Variants in FOCAD observed in about 807,000 individuals in gnomAD.
FOCAD encodes the protein focadhesin.
FOCAD carries 198 observed loss-of-function variants against 225.6 expected under a neutral mutation model. That is an observed-to-expected ratio of 0.88 (90% CI 0.78 to 0.99). FOCAD has a LOEUF of 0.99. Ranked by LOEUF, FOCAD falls within the 50% of genes least tolerant of loss-of-function variation. The pLI is 0.00. For synonymous variants in FOCAD, 897 were observed against 755.0 expected, an observed-to-expected ratio of 1.19 and a Z score of -3.08; for missense variants, 2,713 against 2,123.6, an observed-to-expected ratio of 1.28 and a Z score of -5.46.
At chr9:20,907,390 C>T in intron 22 of FOCAD, 148 bp downstream of exon 22, 1 of 703,242 alleles carries the variant, frequency 1.4e-6, no homozygotes, top group Non-Finnish European at 2.5e-6. Context: ...GAATGTGAGG[C>T]ATATATATAT....
intron 11 of FOCAD, among the ~76,000 whole-genome samples, chr9:20,807,183 C>T (rs1441097033): frequency 1.3e-5 from 2 of 152,146 alleles, no homozygotes; most frequent in East Asian, 1.9e-4. Context: ...TTTTTAAGTT[C>T]ATTTCACAAT....
intron 12 of FOCAD, 148 bp downstream of exon 12, chr9:20,820,048 A>T (rs1181540741): frequency 1.9e-6 from 1 of 520,888 alleles, no homozygotes. Flanking sequence ...CTAAAGACAA[A>T]AGTATTTATT....
At chr9:20,821,996 T>TA (rs58640962) in intron 14 of FOCAD, among the ~76,000 whole-genome samples, 1,106 of 49,328 alleles carry the variant, frequency 0.022, 66 homozygotes, top group African/African-American at 0.064. Context: ...TAAAAGTTAC[T>TA]AAAAAAAAAA....
chr9:20,933,028 A>C lies in FOCAD; in HGVS notation c.3332A>C (p.Gln1111Pro), dbSNP rs1463208912. 1 of 1,613,690 alleles carries C rather than the reference A, an allele frequency of 6.2e-7. No homozygotes were observed. The highest frequency in any genetic ancestry group is 2.2e-5 in the East Asian group (1 of 44,844). ...TCTTTAACCAGTGATATATCTGGCC[A>C]AGAGATGAACCTTCTTCTGATGAAG... ...CEEKLSDISGQEMNLLLMKSL... is the reference protein window; with the variant it reads ...CEEKLSDISGPEMNLLLMKSL... Residue 1111 changes from glutamine to proline, a missense_variant, in exon 28 of 44, where the codon CAA becomes CCA. By Grantham distance (76) the Gln-to-Pro change is moderately conservative (BLOSUM62 -1). Transcript: ENST00000338382.
intron 5 of FOCAD, among the ~76,000 whole-genome samples, chr9:20,752,325 T>A (rs1828634523): frequency 6.6e-6 from 1 of 151,112 alleles, no homozygotes; most frequent in Non-Finnish European, 1.5e-5. Context: ...CATCTTGAAT[T>A]GATTTTTGTA....
intron 21 of FOCAD, among the ~76,000 whole-genome samples, chr9:20,900,155 C>T (rs1201063703): frequency 6.6e-6 from 1 of 151,948 alleles, no homozygotes; most frequent in Non-Finnish European, 1.5e-5. Flanking sequence ...GCATTTCTAA[C>T]TCTGACATGA....
At chr9:20,853,556 T>C (rs1827879637) in intron 15 of FOCAD, among the ~76,000 whole-genome samples, 1 of 151,808 alleles carries the variant, frequency 6.6e-6, no homozygotes, top group Non-Finnish European at 1.5e-5. Context: ...GTAGCTTTAC[T>C]ACAAGTCCAA....
chr9:20,676,719 A>C (rs758868549), intron 2 of FOCAD, among the ~76,000 whole-genome samples: 9 of 152,218 alleles, frequency 5.9e-5, no homozygotes, highest in Non-Finnish European at 1.2e-4. Flanking sequence ...GGAAATTTTC[A>C]AACATCAAAA....
intron 10 of FOCAD, among the ~76,000 whole-genome samples, chr9:20,784,661 T>C (rs1324877251): frequency 6.6e-6 from 1 of 152,220 alleles, no homozygotes; most frequent in African/African-American, 2.4e-5. Flanking sequence ...TTATTCATTC[T>C]TATGTGTTTT....
chr9:20,749,865 C>T (rs1828386784), intron 5 of FOCAD, among the ~76,000 whole-genome samples: 1 of 152,106 alleles, frequency 6.6e-6, no homozygotes, highest in Admixed American at 6.6e-5. Context: ...TTAACCCCCT[C>T]ATTTCTATTA....
intron 11 of FOCAD, among the ~76,000 whole-genome samples, chr9:20,804,643 A>G (rs973893531): frequency 3.3e-5 from 5 of 152,174 alleles, no homozygotes; most frequent in Non-Finnish European, 1.5e-5. Flanking sequence ...GAAACCAACC[A>G]TGCTTCAGGG....
At chr9:20,816,236 T>C (rs952504556) in intron 11 of FOCAD, among the ~76,000 whole-genome samples, 9 of 152,170 alleles carry the variant, frequency 5.9e-5, no homozygotes, top group Non-Finnish European at 1.0e-4. Context: ...TACACTAGTT[T>C]ATAAAATGTC....
At chr9:20,768,393 A>G (rs1023944466) in intron 7 of FOCAD, among the ~76,000 whole-genome samples, 1 of 152,052 alleles carries the variant, frequency 6.6e-6, no homozygotes, top group Non-Finnish European at 1.5e-5. Context: ...TGGGGATGGC[A>G]TTGAATGTGT....
At chr9:20,950,517 G>A (rs1837591346) in intron 33 of FOCAD, among the ~76,000 whole-genome samples, 1 of 152,106 alleles carries the variant, frequency 6.6e-6, no homozygotes, top group Non-Finnish European at 1.5e-5. Flanking sequence ...TTACCATAAT[G>A]TGGGAGAAAA....
chr9:20,830,469 A>C (rs1825372521), intron 15 of FOCAD, among the ~76,000 whole-genome samples: 1 of 152,110 alleles, frequency 6.6e-6, no homozygotes, highest in South Asian at 2.1e-4. Context: ...AGTCTCTCAC[A>C]AAGCTGTTTT....
At chr9:20,762,333 A>C (rs558695689) in intron 6 of FOCAD, among the ~76,000 whole-genome samples, 1 of 152,184 alleles carries the variant, frequency 6.6e-6, no homozygotes, top group Non-Finnish European at 1.5e-5. Context: ...ATGTTTCAGT[A>C]ATAATTTTGA....
intron 11 of FOCAD, among the ~76,000 whole-genome samples, chr9:20,818,174 A>T (rs949172145): frequency 1.3e-5 from 2 of 152,122 alleles, no homozygotes; most frequent in African/African-American, 4.8e-5. Flanking sequence ...TTTGTTTATC[A>T]TCTTTGGAGA....
intron 1 of FOCAD, among the ~76,000 whole-genome samples, chr9:20,713,072 T>C (rs1010167681): frequency 6.6e-6 from 1 of 152,132 alleles, no homozygotes; most frequent in Non-Finnish European, 1.5e-5. Context: ...AGCAGCCACA[T>C]TGGCTTTCCC....
intron 15 of FOCAD, among the ~76,000 whole-genome samples, chr9:20,843,681 TA>T (rs778561971): frequency 6.6e-6 from 1 of 152,146 alleles, no homozygotes; most frequent in Non-Finnish European, 1.5e-5. Flanking sequence ...ATTATCTCTT[TA>T]AAAATCTTTG....
Sources: gnomAD v4.1 joint callset for allele counts (sites outside exome capture counted in the v4.1 genomes callset) on GRCh38, gnomAD v4.1.1 for gene constraint, MANE v1.5 for transcripts, NCBI Gene and HGNC (gene_info 2026-07-23, HGNC 2026-07-21) for gene names.